DPH6: variants seen among roughly 807,000 people sequenced by gnomAD.
The protein encoded by DPH6 is diphthamine biosynthesis 6.
Under a neutral mutation model 38.2 loss-of-function variants are expected in DPH6, and 33 were observed. The observed-to-expected ratio is 0.86, with a 90% CI of 0.65 to 1.15. The LOEUF (loss-of-function observed/expected upper bound fraction) is 1.15. Ranked by LOEUF, DPH6 falls within the 50% of genes most tolerant of loss-of-function variation. The pLI is 0.00. For synonymous variants in DPH6, 108 were observed against 103.0 expected (o/e 1.05, Z -0.30); for missense variants, 325 against 320.0 (o/e 1.02, Z -0.12).
At chr15:35,254,278 A>G (rs555012180) in intron 3 of DPH6, among the ~76,000 whole-genome samples, 1 of 152,356 alleles carries the variant, frequency 6.6e-6, no homozygotes, top group South Asian at 2.1e-4. Flanking sequence ...AATATACAAC[A>G]TGACTGCATT....
At chr15:35,391,840 C>T (rs1490706032) in intron 6 of DPH6, among the ~76,000 whole-genome samples, 1 of 152,180 alleles carries the variant, frequency 6.6e-6, no homozygotes, top group Non-Finnish European at 1.5e-5. Context: ...GTGCACTGCA[C>T]CCACTGTCCT....
At chr15:35,413,198 T>C (rs1053265607) in intron 5 of DPH6, among the ~76,000 whole-genome samples, 6 of 151,826 alleles carry the variant, frequency 4.0e-5, no homozygotes, top group East Asian at 1.9e-4. Flanking sequence ...TAGAGCATAA[T>C]CAAATTTCAT....
the DPH6 span, among the ~76,000 whole-genome samples, chr15:35,155,802 T>G: frequency 7.2e-5 from 11 of 152,362 alleles, no homozygotes; most frequent in Non-Finnish European, 1.5e-4. Flanking sequence ...TATTATTACT[T>G]TGAATCACAT....
At chr15:35,229,430 A>C (rs1008257188) in intron 3 of DPH6, among the ~76,000 whole-genome samples, 1 of 152,112 alleles carries the variant, frequency 6.6e-6, no homozygotes, top group Non-Finnish European at 1.5e-5. Flanking sequence ...AGCTGATAGA[A>C]TTCCAAATTC....
chr15:35,420,244 G>A (rs1053001037), intron 5 of DPH6, among the ~76,000 whole-genome samples: 2 of 151,892 alleles, frequency 1.3e-5, no homozygotes, highest in African/African-American at 4.8e-5. Context: ...AAAACATCTT[G>A]AGACAAAAAA....
intron 3 of DPH6, among the ~76,000 whole-genome samples, chr15:35,464,384 A>G (rs1160946368): frequency 6.6e-6 from 1 of 152,182 alleles, no homozygotes; most frequent in African/African-American, 2.4e-5. Flanking sequence ...ATAGGATAAC[A>G]TTAGGAAATA....
the DPH6 span, among the ~76,000 whole-genome samples, chr15:35,183,226 G>A: frequency 1.3e-5 from 2 of 152,154 alleles, no homozygotes; most frequent in African/African-American, 4.8e-5. Context: ...AGCATAGTAA[G>A]AATGAAACAG....
downstream of DPH6, among the ~76,000 whole-genome samples, chr15:35,213,521 A>T (rs540698360): frequency 1.3e-5 from 2 of 152,324 alleles, no homozygotes; most frequent in East Asian, 3.9e-4. Flanking sequence ...TTAGTACTTT[A>T]AGGCCATAGC....
At chr15:35,535,285 T>C (rs556671833) in intron 3 of DPH6, among the ~76,000 whole-genome samples, 1 of 152,244 alleles carries the variant, frequency 6.6e-6, no homozygotes, top group African/African-American at 2.4e-5. Flanking sequence ...CATGGAACAA[T>C]GCTGTCAATG....
rs914319002 is a variant in DPH6, at chr15:35,435,887, G to A, written c.505+14798C>T. Among the ~76,000 whole-genome samples the A allele has an allele frequency of 4.6e-5, 7 of 151,910 alleles. No homozygotes were observed. In the East Asian group the frequency reaches 7.7e-4, roughly 17 times the overall value. On this transcript the variant is annotated intron_variant, in intron 5 of 8. Coordinates refer to ENST00000256538, the MANE Select transcript of DPH6 (RefSeq NM_080650.4). The stretch of plus-strand genomic sequence containing the variant: ...AAACTGTGGTCCCTTCTTCGCTCTC[G>A]GGGTTTGGGAATGTCAGCCTTGGTC...
intron 3 of DPH6, among the ~76,000 whole-genome samples, chr15:35,249,609 C>T (rs964123398): frequency 6.6e-6 from 1 of 152,016 alleles, no homozygotes; most frequent in Non-Finnish European, 1.5e-5. Flanking sequence ...TGTCTCTCTG[C>T]AGGTGAGATT....
At chr15:35,279,592 C>T (rs2051885014) in intron 3 of DPH6, among the ~76,000 whole-genome samples, 1 of 151,956 alleles carries the variant, frequency 6.6e-6, no homozygotes, top group Non-Finnish European at 1.5e-5. Context: ...AAGAGTGTGG[C>T]ACCTCCTCCA....
chr15:35,244,359 T>C (rs1172452884), intron 3 of DPH6, among the ~76,000 whole-genome samples: 1 of 152,218 alleles, frequency 6.6e-6, no homozygotes, highest in Non-Finnish European at 1.5e-5. Flanking sequence ...TATAAAATCT[T>C]TTTCTCCTTC....
chr15:35,450,924 T>A (rs1295354298), intron 4 of DPH6, 121 bp from the exon 5 acceptor site: 1 of 741,154 alleles, frequency 1.3e-6, no homozygotes, highest in Non-Finnish European at 2.1e-6. Context: ...TTGAAAATGC[T>A]TTTAAAAACA....
chr15:35,253,150 A>G (rs1217363948), intron 3 of DPH6, among the ~76,000 whole-genome samples: 1 of 152,252 alleles, frequency 6.6e-6, no homozygotes, highest in African/African-American at 2.4e-5. Context: ...GATTCATTGA[A>G]GCATAGAACA....
intron 3 of DPH6, among the ~76,000 whole-genome samples, chr15:35,481,474 A>G (rs2054326350): frequency 6.6e-6 from 1 of 152,222 alleles, no homozygotes; most frequent in Admixed American, 6.5e-5. Flanking sequence ...GATTCAAACA[A>G]AAAAATTGTA....
chr15:35,357,874 CTT>C (rs942648734), intron 3 of DPH6, among the ~76,000 whole-genome samples: 8 of 151,988 alleles, frequency 5.3e-5, no homozygotes, highest in African/African-American at 1.5e-4. Flanking sequence ...GTGAAGATCT[CTT>C]TGTGATGAAT....
chr15:35,217,944 T>A (rs547685000), exon 4 of DPH6: 19 of 152,354 alleles, frequency 1.2e-4, no homozygotes, highest in Non-Finnish European at 2.4e-4. Context: ...CTCGATGACT[T>A]ATAATACTTA....
intron 3 of DPH6, among the ~76,000 whole-genome samples, chr15:35,478,008 G>T (rs191406807): frequency 3.9e-5 from 6 of 151,922 alleles, no homozygotes; most frequent in African/African-American, 1.2e-4. Flanking sequence ...TGATTAAATA[G>T]CACACAGAGC....
Sources: gnomAD v4.1 joint callset for allele counts (sites outside exome capture counted in the v4.1 genomes callset) on GRCh38, gnomAD v4.1.1 for gene constraint, MANE v1.5 for transcripts, NCBI Gene and HGNC (gene_info 2026-07-23, HGNC 2026-07-21) for gene names.